Variants in CNTN5 observed in about 807,000 individuals in gnomAD.
The protein encoded by CNTN5 is contactin 5, also known as contactin-5.
Under a neutral mutation model 129.1 loss-of-function variants are expected in CNTN5, and 77 were observed. That is an observed-to-expected ratio of 0.60 (90% confidence interval 0.50 to 0.72). The LOEUF (loss-of-function observed/expected upper bound fraction) is 0.72, where lower values mean the gene tolerates loss of function less well. CNTN5 is among the 30% of genes least tolerant of loss of function. The probability of loss-of-function intolerance (pLI) is 0.00; values close to 1 mark genes in which losing one functional copy is unlikely to be tolerated. For synonymous variants in CNTN5, 509 were observed against 465.6 expected (o/e 1.09, Z -1.20); for missense variants, 1,478 against 1,328.8 (o/e 1.11, Z -1.75).
chr11:99,581,664 T>A (rs1369678338), intron 3 of CNTN5, among the ~76,000 whole-genome samples: 3 of 152,218 alleles, frequency 2.0e-5, no homozygotes, highest in African/African-American at 7.2e-5. Flanking sequence ...CCCCTGCCTT[T>A]TTTTGTTTTC....
chr11:99,836,912 G>C (rs978878999), intron 4 of CNTN5, among the ~76,000 whole-genome samples: 1 of 152,148 alleles, frequency 6.6e-6, no homozygotes, highest in Non-Finnish European at 1.5e-5. Flanking sequence ...TCCTGACTTT[G>C]CCATGGAATT....
intron 3 of CNTN5, among the ~76,000 whole-genome samples, chr11:99,803,177 TGGA>T (rs1050060291): frequency 6.6e-6 from 1 of 152,178 alleles, no homozygotes; most frequent in Non-Finnish European, 1.5e-5. Context: ...TGAAAATGCA[TGGA>T]GATCTTCCTG....
intron 1 of CNTN5, among the ~76,000 whole-genome samples, chr11:99,147,232 GTATGATGAT>G: frequency 6.6e-6 from 1 of 152,126 alleles, no homozygotes; most frequent in Non-Finnish European, 1.5e-5. Flanking sequence ...TTTCATGTAA[GTATGATGAT>G]TAAGGTGACA....
intron 16 of CNTN5, among the ~76,000 whole-genome samples, chr11:100,255,546 G>C (rs1950048093): frequency 6.6e-6 from 1 of 152,112 alleles, no homozygotes; most frequent in Non-Finnish European, 1.5e-5. Context: ...TGGGCACAAA[G>C]TAGCAGAAAG....
intron 1 of CNTN5, among the ~76,000 whole-genome samples, chr11:99,284,175 G>A (rs1021611715): frequency 2.6e-5 from 4 of 152,060 alleles, no homozygotes; most frequent in South Asian, 4.1e-4. Context: ...TACTAGAGGT[G>A]TAATTGTTTT....
intron 9 of CNTN5, among the ~76,000 whole-genome samples, chr11:100,057,861 G>C (rs1045000794): frequency 1.3e-5 from 2 of 151,922 alleles, no homozygotes; most frequent in African/African-American, 4.8e-5. Flanking sequence ...TTGTAAACTA[G>C]GGTTTTTTGC....
chr11:100,234,470 A>G (rs982192110), intron 16 of CNTN5, among the ~76,000 whole-genome samples: 1 of 152,210 alleles, frequency 6.6e-6, no homozygotes, highest in Non-Finnish European at 1.5e-5. Context: ...AGCCGTAAAA[A>G]AAGATGAGTT....
At chr11:99,224,962 T>A (rs78218677) in intron 1 of CNTN5, among the ~76,000 whole-genome samples, 3,582 of 152,128 alleles carry the variant, frequency 0.024, 148 homozygotes, top group African/African-American at 0.082. Flanking sequence ...GAGGATTAAT[T>A]TTGGAGGGAC....
chr11:99,578,607 T>G (rs1949451368), intron 3 of CNTN5, among the ~76,000 whole-genome samples: 1 of 149,816 alleles, frequency 6.7e-6, no homozygotes, highest in African/African-American at 2.5e-5. Flanking sequence ...TCATGTGTTT[T>G]TTGGCTGCAT....
In CNTN5 at chr11:99,743,786, C is replaced by T. The variant is rs796113149; in HGVS notation, c.56-75758C>T. On this transcript the variant is annotated intron_variant, in intron 3 of 24. Transcript: ENST00000524871. ...CCCTAATGATAAAGGCAAGTCATTT[C>T]AATAGCTCAGTGAAATCTTAAGAGA... Among the ~76,000 whole-genome samples the T allele has an allele frequency of 2.6e-5, 4 of 152,262 alleles. No homozygotes were observed. The South Asian group carries it at 8.3e-4, about 32-fold the overall frequency.
At chr11:99,808,464 T>C (rs1946335718) in intron 3 of CNTN5, among the ~76,000 whole-genome samples, 1 of 152,226 alleles carries the variant, frequency 6.6e-6, no homozygotes, top group African/African-American at 2.4e-5. Context: ...GGAAATTTTC[T>C]TTTGATATCT....
chr11:99,945,806 T>G (rs1209524474), intron 7 of CNTN5, among the ~76,000 whole-genome samples: 1 of 152,062 alleles, frequency 6.6e-6, no homozygotes, highest in Non-Finnish European at 1.5e-5. Context: ...GAGCCCCCTG[T>G]GTCTCAGTTC....
At chr11:99,997,995 G>GGGT in intron 8 of CNTN5, among the ~76,000 whole-genome samples, 1 of 152,206 alleles carries the variant, frequency 6.6e-6, no homozygotes, top group Non-Finnish European at 1.5e-5. Context: ...GGGATTGATG[G>GGGT]GACGTATCTC....
intron 3 of CNTN5, among the ~76,000 whole-genome samples, chr11:99,805,771 T>C (rs142628009): frequency 2.5e-4 from 38 of 152,328 alleles, no homozygotes; most frequent in African/African-American, 9.1e-4. Flanking sequence ...GTCTACATTT[T>C]AATTAGGTAG....
chr11:100,291,516 C>G (rs1361594588), intron 18 of CNTN5, among the ~76,000 whole-genome samples: 2 of 148,930 alleles, frequency 1.3e-5, no homozygotes, highest in Non-Finnish European at 3.0e-5. Context: ...GAACAAAAAA[C>G]CAAACACCGC....
At chr11:99,694,110 G>A (rs1265460179) in intron 3 of CNTN5, among the ~76,000 whole-genome samples, 1 of 151,938 alleles carries the variant, frequency 6.6e-6, no homozygotes. Flanking sequence ...ATGTGAGAAA[G>A]GAAGAAAAGG....
intron 7 of CNTN5, among the ~76,000 whole-genome samples, chr11:99,943,530 T>C (rs1374409356): frequency 6.6e-6 from 1 of 152,212 alleles, no homozygotes; most frequent in Non-Finnish European, 1.5e-5. Context: ...AGCAGCTCTT[T>C]AGTTTAATTA....
chr11:99,343,476 C>T (rs1346449073), intron 2 of CNTN5, among the ~76,000 whole-genome samples: 1 of 152,154 alleles, frequency 6.6e-6, no homozygotes, highest in Non-Finnish European at 1.5e-5. Context: ...AAGGTCACTT[C>T]TGACACTAAG....
chr11:99,398,133 T>C (rs1189733499), intron 2 of CNTN5, among the ~76,000 whole-genome samples: 1 of 151,890 alleles, frequency 6.6e-6, no homozygotes, highest in Non-Finnish European at 1.5e-5. Flanking sequence ...CAGTTACACA[T>C]GGATTGTGAT....
Sources: gnomAD v4.1 joint callset for allele counts (sites outside exome capture counted in the v4.1 genomes callset) on GRCh38, gnomAD v4.1.1 for gene constraint, MANE v1.5 for transcripts, NCBI Gene and HGNC (gene_info 2026-07-23, HGNC 2026-07-21) for gene names.